The following TCF4 variants were observed in gnomAD, a reference collection of about 807,000 sequenced individuals.
TCF4 encodes transcription factor 4.
In TCF4, 3 loss-of-function variants were observed where a neutral mutation model predicts 82.1. The observed-to-expected ratio is 0.04, with a 90% CI of 0.02 to 0.09. The LOEUF (loss-of-function observed/expected upper bound fraction) is 0.09, where lower values mean the gene tolerates loss of function less well. TCF4 is among the 10% of genes least tolerant of loss of function. The pLI, the probability that TCF4 is intolerant of heterozygous loss-of-function variation, is 1.00. For missense variants in TCF4, 518 were observed against 852.7 expected, an observed-to-expected ratio of 0.61 and a Z score of 4.89; for synonymous variants, 276 against 309.6, an observed-to-expected ratio of 0.89 and a Z score of 1.14.
chr18:55,380,717 A>G (rs1167444142), intron 6 of TCF4, among the ~76,000 whole-genome samples: 2 of 152,204 alleles, frequency 1.3e-5, no homozygotes, highest in Admixed American at 1.3e-4. Flanking sequence ...GCTCATTCGC[A>G]TGGTGAAAAC....
chr18:55,265,452 A>C (rs1893862948), intron 11 of TCF4: 1 of 152,164 alleles, frequency 6.6e-6, no homozygotes, highest in African/African-American at 2.4e-5. Flanking sequence ...ATTTTTTAAC[A>C]GGAGGGATTC....
intron 3 of TCF4, among the ~76,000 whole-genome samples, chr18:55,575,391 G>T (rs919320484): frequency 6.6e-6 from 1 of 152,118 alleles, no homozygotes; most frequent in African/African-American, 2.4e-5. Flanking sequence ...GTATGAAATT[G>T]GATATTCAAC....
chr18:55,503,370 A>G (rs1473711340), intron 3 of TCF4, among the ~76,000 whole-genome samples: 1 of 152,172 alleles, frequency 6.6e-6, no homozygotes, highest in Non-Finnish European at 1.5e-5. Flanking sequence ...CATCATCATC[A>G]TCATCATCAT....
chr18:55,422,143 A>AC, intron 5 of TCF4: 1 of 922,910 alleles, frequency 1.1e-6, no homozygotes, highest in Non-Finnish European at 1.3e-6. Context: ...AAAAAAAAAA[A>AC]AAAAACCCAC....
chr18:55,299,085 G>A (rs2067331113), intron 8 of TCF4, among the ~76,000 whole-genome samples: 1 of 152,096 alleles, frequency 6.6e-6, no homozygotes, highest in Non-Finnish European at 1.5e-5. Flanking sequence ...TCAATAGCTG[G>A]CCTTCAAAAC....
chr18:55,225,224 T>C lies in TCF4; in HGVS notation c.*2811A>G, dbSNP rs1165280186. ...CAAAGGGAATTCAACAATAGAGGTA[T>C]TGCATTACTGAGTAATGAATACATC... On this transcript the variant is annotated 3_prime_UTR_variant, in exon 20 of 20. Transcript: ENST00000354452. The C allele has an allele frequency of 1.3e-5, 2 of 152,588 alleles. No homozygotes were observed. The highest frequency in any genetic ancestry group is 2.4e-5 in the African/African-American group (1 of 41,458). 9.5% of individuals were successfully genotyped at this position (152,588 alleles called of 1,614,324 possible).
Position 55,269,926 on chromosome 18 carries a change from C to T in TCF4, c.827G>A (p.Ser276Asn). 6.2e-7 allele frequency: 1 copy of T among 1,613,260 alleles called. No homozygotes were observed. The highest frequency in any genetic ancestry group is 2.2e-5 in the East Asian group (1 of 44,830). Residue 276 changes from serine (S) to asparagine (N), a missense_variant, in exon 11 of 20, where the codon AGT becomes AAT. By Grantham distance (46) the Ser-to-Asn change is conservative. This residue lies in a region of TCF4 where 211 missense variants were observed against 327.4 expected (regional missense o/e 0.64). Transcript: ENST00000354452. Reference sequence around the variant, plus strand: ...ATGGAAAGTGGACATCGGAGGAAGACTGGAATTGATGTCTGCTGAGGAGTG... The same window carrying T: ...ATGGAAAGTGGACATCGGAGGAAGATTGGAATTGATGTCTGCTGAGGAGTG... ...PSHSSADINS[S>N]LPPMSTFHRS...
chr18:55,449,659 A>C (rs1294566994), intron 5 of TCF4, among the ~76,000 whole-genome samples: 11 of 152,218 alleles, frequency 7.2e-5, no homozygotes, highest in Non-Finnish European at 2.9e-5. Context: ...TAACCTAGTA[A>C]TTTCGAGACT....
At chr18:55,517,240 C>A (rs1182242392) in intron 3 of TCF4, among the ~76,000 whole-genome samples, 1 of 152,162 alleles carries the variant, frequency 6.6e-6, no homozygotes, top group Non-Finnish European at 1.5e-5. Context: ...TTAAAAAGTG[C>A]TTACTCATTT....
intron 8 of TCF4, chr18:55,321,423 C>CCACT: frequency 1.7e-6 from 1 of 576,902 alleles, no homozygotes; most frequent in Non-Finnish European, 3.0e-6. Context: ...GCTCTAGGAT[C>CCACT]CACTCTCTAA....
At chr18:55,243,395 T>A (rs1295895894) in intron 15 of TCF4, among the ~76,000 whole-genome samples, 1 of 152,206 alleles carries the variant, frequency 6.6e-6, no homozygotes, top group African/African-American at 2.4e-5. Context: ...TATGTGTGTA[T>A]TATTGGCCCA....
chr18:55,514,022 C>G (rs1159240328), intron 3 of TCF4, among the ~76,000 whole-genome samples: 1 of 152,138 alleles, frequency 6.6e-6, no homozygotes, highest in Non-Finnish European at 1.5e-5. Flanking sequence ...TAAGCAAAAT[C>G]TATGTTCTTG....
At chr18:55,270,169 C>G (rs1313065945) in intron 10 of TCF4, among the ~76,000 whole-genome samples, 1 of 152,066 alleles carries the variant, frequency 6.6e-6, no homozygotes, top group East Asian at 1.9e-4. Flanking sequence ...GGGTTTGCAT[C>G]AACTGTGGAG....
At chr18:55,503,927 T>C (rs1007743766) in intron 3 of TCF4, among the ~76,000 whole-genome samples, 10 of 152,086 alleles carry the variant, frequency 6.6e-5, no homozygotes, top group African/African-American at 2.4e-4. Context: ...ATATAAAAAT[T>C]AGCCAGGTGT....
chr18:55,313,188 C>A (rs2073090618), intron 8 of TCF4, among the ~76,000 whole-genome samples: 1 of 152,004 alleles, frequency 6.6e-6, no homozygotes, highest in Admixed American at 6.6e-5. Flanking sequence ...AACTGTGGAA[C>A]ATGTTTAATT....
In TCF4 at chr18:55,222,813, ATTT is replaced by A. The variant is rs999964583; in HGVS notation, c.*5219_*5221del. The A allele has an allele frequency of 6.5e-6, 1 of 152,738 alleles. No individual in the cohort carries two copies. The highest frequency in any genetic ancestry group is 2.4e-5 in the African/African-American group (1 of 41,570). The allele number at this position is 152,738 out of a possible 1,614,324, so 9.5% of individuals were successfully genotyped here. ...AACACTGAATAATTTTAATCTGTAC[ATTT>A]TTTTCCTTCCATGATAGTTGACACA... On this transcript the variant is annotated 3_prime_UTR_variant, in exon 20 of 20. Coordinates refer to ENST00000354452, the MANE Select transcript of TCF4 (RefSeq NM_001083962.2).
intron 6 of TCF4, among the ~76,000 whole-genome samples, chr18:55,355,654 C>A (rs2083331095): frequency 6.6e-6 from 1 of 152,086 alleles, no homozygotes; most frequent in East Asian, 1.9e-4. Context: ...CCTGAAGGTC[C>A]AAGAGTACAC....
At chr18:55,509,899 G>A (rs947698056) in intron 3 of TCF4, among the ~76,000 whole-genome samples, 5 of 152,130 alleles carry the variant, frequency 3.3e-5, no homozygotes, top group Admixed American at 6.5e-5. Context: ...ACCCTGAAGC[G>A]TAGCTTTCAA....
At chr18:55,277,861 AT>A (rs1187933949) in intron 9 of TCF4, among the ~76,000 whole-genome samples, 9 of 152,254 alleles carry the variant, frequency 5.9e-5, no homozygotes, top group African/African-American at 2.2e-4. Flanking sequence ...GTAGGACAAT[AT>A]CTCCCACTGC....
Sources: allele counts gnomAD v4.1 joint callset (sites outside exome capture counted in the v4.1 genomes callset), GRCh38; gene constraint gnomAD v4.1.1; regional missense constraint gnomAD v4.1.1; transcripts MANE v1.5; gene names NCBI Gene and HGNC (gene_info 2026-07-23, HGNC 2026-07-21).